Variants in CEP192 observed in about 807,000 individuals in gnomAD.
CEP192 encodes centrosomal protein of 192 kDa.
In CEP192, 151 loss-of-function variants were observed where a neutral mutation model predicts 271.8. The observed-to-expected ratio is 0.56, with a 90% CI of 0.49 to 0.64. CEP192 has a LOEUF of 0.64. Ranked by LOEUF, CEP192 falls within the 30% of genes least tolerant of loss-of-function variation. The pLI, the probability that CEP192 is intolerant of heterozygous loss-of-function variation, is 0.00. For synonymous variants in CEP192, 995 were observed against 1,076.5 expected (o/e 0.92, Z 1.48); for missense variants, 2,910 against 3,020.5 (o/e 0.96, Z 0.86).
In CEP192 at chr18:13,095,426, A is replaced by AAAGG; in HGVS notation, c.6255-77_6255-76insAAGG. On this transcript the variant is annotated intron_variant, in intron 34 of 44. Transcript: ENST00000506447. ...GAAGAATATAAAAATATGTGATACA[A>AAAGG]TCTGGCCTTTTATCATTTTTAACTT... is the stretch of plus-strand genomic sequence containing the variant. 8 of 1,028,184 alleles carry AAAGG rather than the reference A, an allele frequency of 7.8e-6. No homozygotes were observed. The South Asian group carries it at 1.2e-4, about 16-fold the overall frequency. 63.7% of individuals were successfully genotyped at this position (1,028,184 alleles called of 1,614,324 possible).
At chr18:13,111,624 A>G (rs555499001) in intron 40 of CEP192, among the ~76,000 whole-genome samples, 1 of 152,362 alleles carries the variant, frequency 6.6e-6, no homozygotes, top group South Asian at 2.1e-4. Context: ...CACAAAAGAG[A>G]AAATAGGTGA....
chr18:13,038,691 G>T, intron 13 of CEP192, 112 bp downstream of exon 13: 1 of 820,080 alleles, frequency 1.2e-6, no homozygotes, highest in Admixed American at 2.4e-5. Context: ...ACAGAAGAGT[G>T]GTAAAAAACT....
chr18:13,005,115 G>A (rs919480939), intron 3 of CEP192, among the ~76,000 whole-genome samples: 16 of 152,100 alleles, frequency 1.1e-4, no homozygotes, highest in Non-Finnish European at 2.4e-4. Context: ...CAAGAAGGGC[G>A]TATATATTCC....
intron 5 of CEP192, among the ~76,000 whole-genome samples, chr18:13,014,353 CAGACTGA>C (rs1755742632): frequency 6.6e-6 from 1 of 152,124 alleles, no homozygotes; most frequent in Non-Finnish European, 1.5e-5. Context: ...TGTTAGAAAA[CAGACTGA>C]AGGGAGCTGC....
intron 6 of CEP192, among the ~76,000 whole-genome samples, chr18:13,016,926 T>C (rs192996879): frequency 1.3e-5 from 2 of 152,372 alleles, no homozygotes; most frequent in African/African-American, 4.8e-5. Flanking sequence ...ATGCCACATT[T>C]ATTGTATCCT....
chr18:13,102,188 G>T (rs2039740242), intron 38 of CEP192, among the ~76,000 whole-genome samples: 1 of 152,038 alleles, frequency 6.6e-6, no homozygotes, highest in East Asian at 1.9e-4. Flanking sequence ...CACCTCCCCT[G>T]CTCCTGCTGT....
chr18:13,085,352 T>G (rs1016919599), intron 30 of CEP192, among the ~76,000 whole-genome samples: 1 of 151,426 alleles, frequency 6.6e-6, no homozygotes, highest in Non-Finnish European at 1.5e-5. Flanking sequence ...ATAGGTTACC[T>G]ATTCACTCTG....
intron 11 of CEP192, 102 bp from the exon 12 acceptor site, chr18:13,037,135 C>T (rs901988256): frequency 1.6e-6 from 1 of 631,842 alleles, no homozygotes; most frequent in Non-Finnish European, 2.8e-6. Context: ...ATACTTGTTA[C>T]AACTTTATTT....
intron 1 of CEP192, among the ~76,000 whole-genome samples, chr18:12,996,972 A>T (rs1185223259): frequency 2.6e-5 from 4 of 152,032 alleles, no homozygotes; most frequent in Non-Finnish European, 5.9e-5. Context: ...GGGAGCATGG[A>T]TAGGTGTGGT....
intron 1 of CEP192, among the ~76,000 whole-genome samples, chr18:12,993,600 G>C (rs1264013897): frequency 6.6e-6 from 1 of 152,100 alleles, no homozygotes; most frequent in East Asian, 1.9e-4. Context: ...CTTCCACCGT[G>C]GCCTCCTGAG....
chr18:13,036,362 G>A (rs758972308), intron 11 of CEP192, among the ~76,000 whole-genome samples: 1 of 152,092 alleles, frequency 6.6e-6, no homozygotes, highest in African/African-American at 2.4e-5. Context: ...GATCTGATTG[G>A]TCCCTCATGG....
At chr18:13,022,378 T>A (rs552678195) in intron 9 of CEP192, among the ~76,000 whole-genome samples, 72 of 152,150 alleles carry the variant, frequency 4.7e-4, no homozygotes, top group Non-Finnish European at 9.4e-4. Flanking sequence ...TTTTTTTTTT[T>A]AATTTTTCTT....
chr18:13,029,794 A>G lies in CEP192; in HGVS notation c.1182A>G (p.Ala394=), dbSNP rs896628105. ...TGACTGACCCTGTAAAACAGGGGGC[A>G]GAGTGTCCTCACCAAAATAAGACAG... The part of the protein sequence containing the change: ...FDLTDPVKQG[A]ECPHQNKTVL... The change falls in exon 10 of 45, where the codon GCA becomes GCG. Residue 394 remains alanine (A), a synonymous_variant. Transcript: ENST00000506447. 1 of 1,551,678 alleles carries G rather than the reference A, an allele frequency of 6.4e-7. No homozygotes were observed.
intron 15 of CEP192, among the ~76,000 whole-genome samples, chr18:13,048,338 T>A (rs893675424): frequency 6.6e-6 from 1 of 152,172 alleles, no homozygotes; most frequent in Non-Finnish European, 1.5e-5. Flanking sequence ...CTTAGTAGTG[T>A]TTGGTGATCA....
chr18:13,068,723 T>G, intron 24 of CEP192, 129 bp from the exon 25 acceptor site: 1 of 872,022 alleles, frequency 1.1e-6, no homozygotes, highest in Non-Finnish European at 1.8e-6. Flanking sequence ...TCTATTCTTT[T>G]AACTCTTTAA....
At chr18:13,011,553 T>C (rs2034362495) in intron 4 of CEP192, among the ~76,000 whole-genome samples, 1 of 152,236 alleles carries the variant, frequency 6.6e-6, no homozygotes, top group East Asian at 1.9e-4. Flanking sequence ...GACAGAGTCT[T>C]GCTCTGTCAC....
intron 5 of CEP192, 125 bp downstream of exon 5, chr18:13,013,150 T>C (rs1343035533): frequency 5.5e-6 from 3 of 545,288 alleles, no homozygotes; most frequent in Non-Finnish European, 9.9e-6. Context: ...GAGCTCTAAC[T>C]TATCCAGCTT....
chr18:13,026,374 C>T (rs1034502719), intron 9 of CEP192, among the ~76,000 whole-genome samples: 1 of 152,026 alleles, frequency 6.6e-6, no homozygotes. Context: ...CAAGTACAGC[C>T]CTATTGCAGT....
chr18:13,096,445 G>A (rs1041391020), intron 36 of CEP192, 138 bp downstream of exon 36: 3 of 1,081,920 alleles, frequency 2.8e-6, no homozygotes, highest in African/African-American at 1.6e-5. Context: ...CATGTGCATG[G>A]TTCTGCAGGT....
Sources: allele counts gnomAD v4.1 joint callset (sites outside exome capture counted in the v4.1 genomes callset), GRCh38; gene constraint gnomAD v4.1.1; transcripts MANE v1.5; gene names NCBI Gene and HGNC (gene_info 2026-07-23, HGNC 2026-07-21).